The following RBFOX1 variants were observed in gnomAD, a reference collection of about 807,000 sequenced individuals.
The protein encoded by RBFOX1 is RNA binding fox-1 homolog 1, also known as RNA binding protein fox-1 homolog 1.
Under a neutral mutation model 57.7 loss-of-function variants are expected in RBFOX1, and 8 were observed. The observed-to-expected ratio is 0.14, with a 90% confidence interval of 0.08 to 0.25. The LOEUF (loss-of-function observed/expected upper bound fraction) is 0.25. Ranked by LOEUF, RBFOX1 falls within the 10% of genes least tolerant of loss-of-function variation. RBFOX1 has a pLI of 1.00. For synonymous variants in RBFOX1, 326 were observed against 222.4 expected (o/e 1.47, Z -4.15); for missense variants, 611 against 548.5 (o/e 1.11, Z -1.14).
chr16:7,423,372 C>T (rs752140418), intron 4 of RBFOX1, among the ~76,000 whole-genome samples: 8 of 151,630 alleles, frequency 5.3e-5, no homozygotes, highest in Admixed American at 2.6e-4. Context: ...GGTGGGGGTG[C>T]AGGCAGGGGA....
At chr16:7,549,854 G>A (rs986938733) in intron 5 of RBFOX1, among the ~76,000 whole-genome samples, 4 of 152,152 alleles carry the variant, frequency 2.6e-5, no homozygotes, top group African/African-American at 7.2e-5. Flanking sequence ...ACGGACACAC[G>A]CAGGAGCAGT....
intron 1 of RBFOX1, among the ~76,000 whole-genome samples, chr16:6,117,865 A>G (rs896458425): frequency 2.6e-5 from 4 of 152,200 alleles, no homozygotes; most frequent in Admixed American, 6.5e-5. Flanking sequence ...TCCCCTAATG[A>G]TCTAGTTTCC....
intron 3 of RBFOX1, among the ~76,000 whole-genome samples, chr16:6,910,140 A>G (rs925144286): frequency 6.6e-6 from 1 of 151,990 alleles, no homozygotes; most frequent in Admixed American, 6.6e-5. Flanking sequence ...TGGGCATTCT[A>G]GCGGGGCTTT....
At chr16:6,576,032 A>G (rs1044788771) in intron 2 of RBFOX1, among the ~76,000 whole-genome samples, 3 of 152,150 alleles carry the variant, frequency 2.0e-5, no homozygotes, top group Non-Finnish European at 2.9e-5. Flanking sequence ...ACCTCCCCCC[A>G]TCACACAGTT....
chr16:7,710,008 C>T (rs1598705774), intron 15 of RBFOX1: 1 of 1,009,268 alleles, frequency 9.9e-7, no homozygotes, highest in Non-Finnish European at 1.2e-6. Context: ...TTAAGTGCCA[C>T]CTTGTAGCCA....
Position 6,800,409 on chromosome 16 carries a change from T to A in RBFOX1, c.-16+145759T>A, listed in dbSNP as rs74446009. 6.4e-3 allele frequency among the ~76,000 whole-genome samples: 980 copies of A among 152,294 alleles called. 10 individuals are homozygous for A. The highest frequency in any genetic ancestry group is 0.022 in the African/African-American group (931 of 41,556). ...TACTCTAGGATAGTGCTTCTCACTC[T>A]TTAACAGTGATAGGCATTGCCTGGG... On this transcript the variant is annotated intron_variant, in intron 3 of 15. Transcript: ENST00000550418.
At chr16:6,557,084 C>T (rs1017569993) in intron 2 of RBFOX1, among the ~76,000 whole-genome samples, 38 of 137,692 alleles carry the variant, frequency 2.8e-4, no homozygotes, top group Admixed American at 4.5e-4. Flanking sequence ...TACATATATA[C>T]ATACATATAC....
intron 14 of RBFOX1, among the ~76,000 whole-genome samples, chr16:7,707,604 C>CAGTACAGCTGTTCCCTTCTCCAGA (rs2082895149): frequency 6.6e-6 from 1 of 152,144 alleles, no homozygotes; most frequent in Non-Finnish European, 1.5e-5. Context: ...TGGTTGCTAA[C>CAGTACAGCTGTTCCCTTCTCCAGA]AGTACAGCTG....
intron 2 of RBFOX1, among the ~76,000 whole-genome samples, chr16:6,418,383 C>G (rs552043421): frequency 1.7e-4 from 26 of 152,096 alleles, no homozygotes; most frequent in African/African-American, 6.3e-4. Flanking sequence ...ATAAGAGCTG[C>G]TATTTGGGGA....
chr16:7,631,432 C>T (rs2060940130), intron 11 of RBFOX1, among the ~76,000 whole-genome samples: 1 of 152,162 alleles, frequency 6.6e-6, no homozygotes, highest in African/African-American at 2.4e-5. Flanking sequence ...CACCCCAATT[C>T]CCAGAGCAGG....
rs545562393 is a variant in RBFOX1, at chr16:7,158,535, T to C, written c.27+106437T>C. On this transcript the variant is annotated intron_variant, in intron 4 of 15. Coordinates refer to ENST00000550418, the MANE Select transcript of RBFOX1 (RefSeq NM_018723.4). ...TATGTTTGTCTGTGTGATGTGTGTG[T>C]GTTTACTGTGTGTATCTATGTCTGT... Among the ~76,000 whole-genome samples, 17 of 152,264 alleles carry C rather than the reference T, an allele frequency of 1.1e-4. No individual in the cohort carries two copies. In the South Asian group the frequency reaches 2.7e-3, roughly 24 times the overall value.
At chr16:5,866,169 A>G (rs1315197829) in intron 3 of RBFOX1, among the ~76,000 whole-genome samples, 2 of 152,112 alleles carry the variant, frequency 1.3e-5, no homozygotes, top group Non-Finnish European at 1.5e-5. Flanking sequence ...GGGTTTCACC[A>G]TGTTGGCCAA....
intron 1 of RBFOX1, among the ~76,000 whole-genome samples, chr16:6,102,378 T>G (rs1246012580): frequency 6.6e-6 from 1 of 152,218 alleles, no homozygotes; most frequent in East Asian, 1.9e-4. Flanking sequence ...AACCCAGTTT[T>G]TATTTCATAT....
intron 3 of RBFOX1, among the ~76,000 whole-genome samples, chr16:6,976,636 C>T (rs1007302032): frequency 3.3e-5 from 5 of 150,776 alleles, no homozygotes; most frequent in African/African-American, 1.2e-4. Flanking sequence ...AACGCATCCA[C>T]CCTAGGTACA....
rs1555461325 is a variant in RBFOX1, at chr16:6,780,413, T to TATATATTTATAG, written c.-16+125774_-16+125775insGATATATTTATA. On this transcript the variant is annotated intron_variant, in intron 3 of 15. Transcript: ENST00000550418. ...TTATATATATTTTTATATATATTTATATATATTTATATATATTTATAGATA... is the reference window on the plus strand; with the variant it reads ...TTATATATATTTTTATATATATTTATATATATTTATAGATATATTTATATATATTTATAGATA... Among the ~76,000 whole-genome samples, 58 of 114,452 alleles carry TATATATTTATAG rather than the reference T, an allele frequency of 5.1e-4. 2 individuals carry two copies. The highest frequency in any genetic ancestry group is 1.3e-3 in the South Asian group (5 of 3,844). The allele number at this position is 114,452 out of a possible 152,430, so 75.1% of individuals were successfully genotyped here. A position where few individuals can be genotyped will look rare whatever the true frequency, so the allele number is the denominator to read the frequency against.
chr16:6,550,127 C>T (rs1367829159), intron 2 of RBFOX1, among the ~76,000 whole-genome samples: 1 of 152,084 alleles, frequency 6.6e-6, no homozygotes, highest in Non-Finnish European at 1.5e-5. Context: ...TGTTTGGAGT[C>T]CCTCTCCCTC....
At chr16:5,780,575 TCA>T (rs760525386) in intron 3 of RBFOX1, among the ~76,000 whole-genome samples, 1 of 152,086 alleles carries the variant, frequency 6.6e-6, no homozygotes, top group Admixed American at 6.5e-5. Flanking sequence ...GAAAAAAAAA[TCA>T]CAGTCCTAAT....
At chr16:5,839,738 C>G (rs1004337940) in intron 3 of RBFOX1, among the ~76,000 whole-genome samples, 1 of 152,114 alleles carries the variant, frequency 6.6e-6, no homozygotes, top group Non-Finnish European at 1.5e-5. Context: ...GCCATTGCTC[C>G]AGGCATCACA....
At chr16:7,628,579 G>C (rs1386020478) in intron 10 of RBFOX1, among the ~76,000 whole-genome samples, 1 of 151,964 alleles carries the variant, frequency 6.6e-6, no homozygotes, top group Non-Finnish European at 1.5e-5. Flanking sequence ...CTGAGGCGAG[G>C]TTAAACCATG....
Sources: gnomAD v4.1 joint callset for allele counts (sites outside exome capture counted in the v4.1 genomes callset) on GRCh38, gnomAD v4.1.1 for gene constraint, MANE v1.5 for transcripts, NCBI Gene and HGNC (gene_info 2026-07-23, HGNC 2026-07-21) for gene names.